The following PIEZO1 variants were observed in gnomAD, a reference collection of about 807,000 sequenced individuals.
The protein encoded by PIEZO1 is piezo-type mechanosensitive ion channel component 1.
In PIEZO1, 296 loss-of-function variants were observed where a neutral mutation model predicts 297.2. The ratio of observed to expected loss-of-function variants is 1.00; its 90% confidence interval spans 0.91 to 1.10. The LOEUF (loss-of-function observed/expected upper bound fraction) is 1.10. PIEZO1 is among the 50% of genes least tolerant of loss of function. The pLI is 0.00. For missense variants in PIEZO1, 5,018 were observed against 3,455.5 expected (o/e 1.45, Z -11.34); for synonymous variants, 2,427 against 1,507.5 (o/e 1.61, Z -14.13).
intron 38 of PIEZO1, 40 bp from the exon 39 acceptor site, chr16:88,721,470 C>G: frequency 2.6e-6 from 4 of 1,539,284 alleles, no homozygotes; most frequent in South Asian, 1.2e-5. Flanking sequence ...CCTTGCCTCC[C>G]TGGTGGAGAG....
chr16:88,741,529 G>C lies in PIEZO1; in HGVS notation c.414C>G (p.Ile138Met). ...GGGTGTTCCTTGCAAGGCGCCCGCA[G>C]ATGCCGAGGCAGACAGAGGAGACCA... The part of the protein sequence containing the change: ...ILVVSSVCLG[I>M]CGRLARNTRQ... The change falls in exon 5 of 51, where the codon ATC (isoleucine) becomes ATG (methionine). Residue 138 changes from isoleucine (I) to methionine (M), a missense_variant. Coordinates refer to ENST00000301015, the MANE Select transcript of PIEZO1 (RefSeq NM_001142864.4). 6.5e-7 allele frequency: 1 copy of C among 1,535,790 alleles called. No homozygotes were observed.
chr16:88,737,458 C>A, intron 10 of PIEZO1, 101 bp downstream of exon 10: 2 of 774,078 alleles, frequency 2.6e-6, no homozygotes, highest in Non-Finnish European at 4.1e-6. Context: ...GGCAGAGGTG[C>A]GGCGCGAGCA....
rs1187358041 is a variant in PIEZO1 at position 88,721,194 on chromosome 16, G to A, written c.5640C>T (p.Gly1880=). The A allele has an allele frequency of 4.0e-6, 6 of 1,510,842 alleles. No homozygotes were observed. Among genetic ancestry groups the A allele is most frequent in the Non-Finnish European group, 5.3e-6 (6 of 1,128,792 alleles). 93.6% of individuals were successfully genotyped at this position (1,510,842 alleles called of 1,614,324 possible). ...SLRFRRRKKE[G]PARKGAAAIE... ...TGGCTGCCGCTCCTTTCCGTGCTGG[G>A]CCCTCCTTCTTCCTTCTTCTAAAAC... The change falls in exon 39 of 51, where the codon GGC becomes GGT. Residue 1880 remains glycine, a synonymous_variant. Coordinates refer to ENST00000301015, the MANE Select transcript of PIEZO1 (RefSeq NM_001142864.4).
At chr16:88,726,208 G>A in intron 27 of PIEZO1, 76 bp downstream of exon 27, 1 of 1,286,226 alleles carries the variant, frequency 7.8e-7, no homozygotes, top group Non-Finnish European at 1.1e-6. Flanking sequence ...CGGGGCCTGA[G>A]ACAGTGAGGA....
At chr16:88,757,413 C>A (rs185520424) in intron 1 of PIEZO1, among the ~76,000 whole-genome samples, 258 of 151,332 alleles carry the variant, frequency 1.7e-3, no homozygotes, top group African/African-American at 5.9e-3. Context: ...ACACTGGCAG[C>A]CTGTGAGAGC....
chr16:88,726,987 C>A, intron 24 of PIEZO1, 29 bp from the exon 25 acceptor site: 2 of 1,549,142 alleles, frequency 1.3e-6, no homozygotes, highest in Non-Finnish European at 1.7e-6. Context: ...AGGGCGGGCG[C>A]CCCGGCCACC....
Position 88,717,077 on chromosome 16 carries a change from C to G in PIEZO1, c.6606G>C (p.Gly2202=). ...TGACATCGATGGGCTGGTTGACAAC[C>G]CCAACCACGGAGCGCACCAGCGACA... ...LFMSLVRSVV[G]VVNQPIDVTV... Residue 2202 remains glycine, a synonymous_variant, in exon 45 of 51, where the codon GGG becomes GGC. Coordinates refer to ENST00000301015, the MANE Select transcript of PIEZO1 (RefSeq NM_001142864.4). The G allele has an allele frequency of 6.4e-7, 1 of 1,551,102 alleles. No individual in the cohort carries two copies. Among genetic ancestry groups the G allele is most frequent in the Non-Finnish European group, 8.7e-7 (1 of 1,147,090 alleles).
At position 88,723,084 on chromosome 16, in the gene PIEZO1, G is replaced by C. The variant is rs1904294207; in HGVS notation, c.4495+11C>G. 1 of 1,547,142 alleles carries C rather than the reference G, an allele frequency of 6.5e-7. No homozygotes were observed. The highest frequency in any genetic ancestry group is 1.2e-5 in the South Asian group (1 of 84,008). On this transcript the variant is annotated intron_variant, in intron 33 of 50. Coordinates refer to ENST00000301015, the MANE Select transcript of PIEZO1 (RefSeq NM_001142864.4). The stretch of plus-strand genomic sequence containing the variant: ...AGAGACCTCCCACTCCCCAGCCCCG[G>C]GCCCACGTACCTGCCGCTGCCTCCT...
At position 88,734,855 on chromosome 16, in the gene PIEZO1, C is replaced by T. The variant is rs1201297929; in HGVS notation, c.1848+20G>A. 2 of 1,550,266 alleles carry T rather than the reference C, an allele frequency of 1.3e-6. No homozygotes were observed. Among genetic ancestry groups the T allele is most frequent in the South Asian group, 1.2e-5 (1 of 84,064 alleles). ...CGGGGAGGGTCCGTGCCCCAGCCCC[C>T]ATCCCGGCCCCCCAGCCACCTGGAA... On this transcript the variant is annotated intron_variant, in intron 14 of 50. Coordinates refer to ENST00000301015, the MANE Select transcript of PIEZO1 (RefSeq NM_001142864.4).
chr16:88,736,023 GGACA>G lies in PIEZO1; in HGVS notation c.1557+121_1557+124del, dbSNP rs763815824. The G allele has an allele frequency of 1.4e-4, 139 of 971,714 alleles. 1 individual carries two copies. Among genetic ancestry groups the G allele is most frequent in the Middle Eastern group, 9.8e-4 (3 of 3,050 alleles). The allele number at this position is 971,714 out of a possible 1,614,324, so 60.2% of individuals were successfully genotyped here. On this transcript the variant is annotated intron_variant, in intron 12 of 50. Transcript: ENST00000301015. Reference sequence around the variant, plus strand: ...GGGCTGGCTCTGGGTGGGCAGAAGGGGACAGACAGACACATCTGCCTTCTTGGCG... The same window carrying G: ...GGGCTGGCTCTGGGTGGGCAGAAGGGGACAGACACATCTGCCTTCTTGGCG...
At chr16:88,722,462 G>T (rs1276586351) in intron 35 of PIEZO1, 65 bp from the exon 36 acceptor site, 2 of 1,454,282 alleles carry the variant, frequency 1.4e-6, no homozygotes, top group African/African-American at 1.4e-5. Context: ...TACAGGGAGG[G>T]TCAGGGTGGA....
intron 2 of PIEZO1, chr16:88,745,790 C>G (rs1324964248): frequency 6.6e-6 from 1 of 151,748 alleles, no homozygotes; most frequent in Non-Finnish European, 1.5e-5. Flanking sequence ...CCCCCTCCAG[C>G]TTGCAGGGCT....
At position 88,723,140 on chromosome 16, in the gene PIEZO1, T is replaced by G. The variant is rs1904295158; in HGVS notation, c.4450A>C (p.Ser1484Arg). The G allele has an allele frequency of 6.5e-7, 1 of 1,549,050 alleles. No homozygotes were observed. The highest frequency in any genetic ancestry group is 1.4e-5 in the African/African-American group (1 of 73,032). The part of the protein sequence containing the change: ...AGQLPTGGGP[S>R]QEVEPAEGPE... ...CCCTCTGCTGGCTCCACCTCCTGGC[T>G]GGGACCACCTCCTGGGCACAGGATG... Residue 1484 changes from serine (S) to arginine (R), a missense_variant, in exon 33 of 51, where the codon AGC (serine) becomes CGC (arginine). Ser to Arg is a moderately radical substitution (Grantham distance 110). Coordinates refer to ENST00000301015, the MANE Select transcript of PIEZO1 (RefSeq NM_001142864.4).
In PIEZO1 at chr16:88,736,872, C is replaced by T. The variant is rs62048190; in HGVS notation, c.1196-133G>A. The T allele has an allele frequency of 4.1e-3, 2,308 of 560,094 alleles. 7 individuals carry two copies. Among genetic ancestry groups the T allele is most frequent in the Non-Finnish European group, 5.5e-3 (1,773 of 322,986 alleles). 34.7% of individuals were successfully genotyped at this position (560,094 alleles called of 1,614,324 possible). A position where few individuals can be genotyped will look rare whatever the true frequency, so the allele number is the denominator to read the frequency against. ...GGCCCCCGGTGGGCTATGGGCAGAA[C>T]ACGAGGGCTCCGGCAATTGGGCTGA... On this transcript the variant is annotated intron_variant, in intron 10 of 50. Coordinates refer to ENST00000301015, the MANE Select transcript of PIEZO1 (RefSeq NM_001142864.4).
In PIEZO1 at chr16:88,732,482, G is replaced by T; in HGVS notation, c.2844C>A (p.Arg948=). 1 of 1,549,206 alleles carries T rather than the reference G, an allele frequency of 6.5e-7. No individual in the cohort carries two copies. Among genetic ancestry groups the T allele is most frequent in the Non-Finnish European group, 8.7e-7 (1 of 1,146,182 alleles). Reference sequence around the variant, plus strand: ...GGTGCTGCCGGCGGTAGTGCTCCTGGCGCCGGTACACGATGGCCTCGAATA... The same window carrying T: ...GGTGCTGCCGGCGGTAGTGCTCCTGTCGCCGGTACACGATGGCCTCGAATA... ...LLVFEAIVYR[R]QEHYRRQHQL... The change falls in exon 21 of 51, where the codon CGC becomes CGA. Residue 948 remains arginine (R), a synonymous_variant. Coordinates refer to ENST00000301015, the MANE Select transcript of PIEZO1 (RefSeq NM_001142864.4).
chr16:88,722,017 G>T lies in PIEZO1; in HGVS notation c.5005C>A (p.Gln1669Lys), dbSNP rs1223740754. The part of the protein sequence containing the change: ...LEEAELFAEG[Q>K]GRALRLLRAV... ...CGCAGCAGCCGCAGCGCCCGGCCCT[G>T]CCCCTCCGCAAACAGCTCTGCCTCC... Residue 1669 changes from glutamine to lysine, a missense_variant, in exon 37 of 51, where the codon CAG becomes AAG. Coordinates refer to ENST00000301015, the MANE Select transcript of PIEZO1 (RefSeq NM_001142864.4). The T allele has an allele frequency of 6.5e-7, 1 of 1,548,434 alleles. No individual in the cohort carries two copies. Among genetic ancestry groups the T allele is most frequent in the Admixed American group, 2.0e-5 (1 of 50,960 alleles).
In PIEZO1 at chr16:88,784,794, C is replaced by T. The variant is rs982094611; in HGVS notation, c.64+107G>A. 12 of 795,518 alleles carry T rather than the reference C, an allele frequency of 1.5e-5. No homozygotes were observed. The South Asian group carries it at 2.1e-4, about 14-fold the overall frequency. The allele number at this position is 795,518 out of a possible 1,614,324, so 49.3% of individuals were successfully genotyped here. On this transcript the variant is annotated intron_variant, in intron 1 of 50. Transcript: ENST00000301015. ...GCGCGTCCCTGGGAATTTCCGCGCCCGCTCGCCCGCAGCCCTCGCCCCGGC... is the reference window on the plus strand; with the variant it reads ...GCGCGTCCCTGGGAATTTCCGCGCCTGCTCGCCCGCAGCCCTCGCCCCGGC...
chr16:88,758,820 G>C (rs955300132), intron 1 of PIEZO1, among the ~76,000 whole-genome samples: 1 of 152,210 alleles, frequency 6.6e-6, no homozygotes. Context: ...TTGTCGCAGA[G>C]ACAACAGTGC....
At chr16:88,732,218 C>A (rs539878300) in intron 21 of PIEZO1, 117 bp downstream of exon 21, 16 of 862,286 alleles carry the variant, frequency 1.9e-5, no homozygotes, top group Non-Finnish European at 2.9e-5. Flanking sequence ...GTCCCCCACC[C>A]TCTGTGGCCC....
Sources: allele counts gnomAD v4.1 joint callset (sites outside exome capture counted in the v4.1 genomes callset), GRCh38; gene constraint gnomAD v4.1.1; transcripts MANE v1.5; gene names NCBI Gene and HGNC (gene_info 2026-07-23, HGNC 2026-07-21).